The following SMIM21 variants were observed in gnomAD, a reference collection of about 807,000 sequenced individuals.
The protein encoded by SMIM21 is chromosome 18 open reading frame 62.
In SMIM21, 8 loss-of-function variants were observed where a neutral mutation model predicts 8.6. That is an observed-to-expected ratio of 0.93 (90% CI 0.55 to 1.68). The LOEUF is 1.68. Ranked by LOEUF, SMIM21 falls within the 40% of genes most tolerant of loss-of-function variation. The pLI is 0.00. For synonymous variants in SMIM21, 43 were observed against 41.7 expected, an observed-to-expected ratio of 1.03 and a Z score of -0.12; for missense variants, 132 against 123.0, an observed-to-expected ratio of 1.07 and a Z score of -0.35.
intron 1 of SMIM21, 120 bp downstream of exon 1, chr18:75,427,315 A>G: frequency 1.2e-5 from 14 of 1,192,760 alleles, no homozygotes; most frequent in South Asian, 2.0e-5. Flanking sequence ...ACTTCGTAGA[A>G]TCTGGATTTG....
chr18:75,426,018 C>T (rs1208231588), intron 1 of SMIM21, among the ~76,000 whole-genome samples: 1 of 152,066 alleles, frequency 6.6e-6, no homozygotes, highest in Non-Finnish European at 1.5e-5. Flanking sequence ...TGATTGCCCA[C>T]CGAGTGCCTC....
chr18:75,421,215 T>C (rs1433202127), intron 1 of SMIM21, among the ~76,000 whole-genome samples: 1 of 152,214 alleles, frequency 6.6e-6, no homozygotes, highest in Non-Finnish European at 1.5e-5. Flanking sequence ...CTGTAGTCAC[T>C]AAAGAACAAG....
In SMIM21 at chr18:75,427,555, C is replaced by T. The variant is rs901493935; in HGVS notation, c.9G>A (p.Gln3=). ...ATCGGGGAGGAGCTGTGGACACATA[C>T]TGGTCCATGTGGGGGCTGCGGCGGT... is the stretch of plus-strand genomic sequence containing the variant. The part of the protein sequence containing the change: MD[Q]YVSTAPPRFP... The change falls in exon 1 of 3, where the codon CAG becomes CAA. Residue 3 remains glutamine, a synonymous_variant. Transcript: ENST00000579022. 1.2e-6 allele frequency: 2 copies of T among 1,610,186 alleles called. No individual in the cohort carries two copies. Among genetic ancestry groups the T allele is most frequent in the Non-Finnish European group, 1.7e-6 (2 of 1,178,226 alleles).
At chr18:75,411,073 C>T (rs560532489) in intron 2 of SMIM21, among the ~76,000 whole-genome samples, 164 bp from the exon 3 acceptor site, 6 of 152,154 alleles carry the variant, frequency 3.9e-5, no homozygotes, top group Admixed American at 2.0e-4. Context: ...TTATACTCAC[C>T]GGAGCAAGTA....
chr18:75,416,709 T>C (rs2024649375), intron 2 of SMIM21: 1 of 152,242 alleles, frequency 6.6e-6, no homozygotes, highest in South Asian at 2.1e-4. Flanking sequence ...TTGTTCTCAT[T>C]CAACATATTT....
chr18:75,424,353 TA>T (rs1194612662), intron 1 of SMIM21, among the ~76,000 whole-genome samples: 1 of 152,236 alleles, frequency 6.6e-6, no homozygotes, highest in African/African-American at 2.4e-5. Flanking sequence ...CACATACAAG[TA>T]GAAGCAATAT....
At chr18:75,417,709 G>A (rs77527093) in intron 2 of SMIM21, 4,339 of 152,424 alleles carry the variant, frequency 0.028, 125 homozygotes, top group South Asian at 0.14. Context: ...GCCCTTCACT[G>A]AAACCCAGAG....
At chr18:75,424,280 C>T (rs71359090) in intron 1 of SMIM21, among the ~76,000 whole-genome samples, 16 of 152,164 alleles carry the variant, frequency 1.1e-4, no homozygotes, top group Middle Eastern at 3.4e-3. Flanking sequence ...CACGTCAGGA[C>T]GAAAAATGGA....
chr18:75,416,587 G>C (rs1003890551), intron 2 of SMIM21: 2 of 152,054 alleles, frequency 1.3e-5, no homozygotes, highest in African/African-American at 4.8e-5. Flanking sequence ...TTTTCTTCCA[G>C]TATTCTTTGG....
chr18:75,420,834 T>C (rs2024700407), intron 1 of SMIM21, among the ~76,000 whole-genome samples: 1 of 152,198 alleles, frequency 6.6e-6, no homozygotes, highest in Non-Finnish European at 1.5e-5. Context: ...TCCTCCAGTT[T>C]TAGGATCCTC....
chr18:75,426,477 T>G (rs2024763382), intron 1 of SMIM21, among the ~76,000 whole-genome samples: 1 of 151,880 alleles, frequency 6.6e-6, no homozygotes, highest in Non-Finnish European at 1.5e-5. Context: ...GACTGGCTAA[T>G]TTTTTGTATT....
rs906432844 is a variant in SMIM21 at position 75,409,867 on chromosome 18, C to T, written c.*997G>A. The T allele has an allele frequency of 1.3e-5, 2 of 152,586 alleles. No homozygotes were observed. Among genetic ancestry groups the T allele is most frequent in the Non-Finnish European group, 2.9e-5 (2 of 68,068 alleles). 9.5% of individuals were successfully genotyped at this position (152,586 alleles called of 1,614,324 possible). ...TGCACTGTGAGTTCTGAATCCCTGG[C>T]TCCCCAGCCGGACTCTTCAGTGCAC... On this transcript the variant is annotated 3_prime_UTR_variant, in exon 3 of 3. Transcript: ENST00000579022.
At chr18:75,413,112 T>C (rs1204888149) in intron 2 of SMIM21, among the ~76,000 whole-genome samples, 1 of 151,680 alleles carries the variant, frequency 6.6e-6, no homozygotes, top group African/African-American at 2.4e-5. Context: ...ACGCTGATGC[T>C]CCTGGGCCCC....
rs768079384 is a variant in SMIM21 at position 75,418,843 on chromosome 18, T to C, written c.203A>G (p.His68Arg). The change falls in exon 2 of 3, where the codon CAT (histidine) becomes CGT (arginine). Residue 68 changes from histidine to arginine, a missense_variant. His to Arg is a conservative substitution (Grantham distance 29). Coordinates refer to ENST00000579022, the MANE Select transcript of SMIM21 (RefSeq NM_001037331.3). The stretch of plus-strand genomic sequence containing the variant: ...TTCAGAAACCCCTTGTATCCTGCTA[T>C]GATTCCTCAGCAACACCATCACATG... ...LFHVMVLLRN[H>R]SRIQGVSEDW... 4 of 1,612,720 alleles carry C rather than the reference T, an allele frequency of 2.5e-6. No individual in the cohort carries two copies. Among genetic ancestry groups the C allele is most frequent in the South Asian group, 2.2e-5 (2 of 91,050 alleles).
intron 2 of SMIM21, among the ~76,000 whole-genome samples, chr18:75,414,455 G>A (rs1025895138): frequency 3.9e-5 from 6 of 152,246 alleles, no homozygotes; most frequent in Middle Eastern, 6.8e-3. Flanking sequence ...TACTTAAGAG[G>A]AACCCACTCC....
Position 75,410,666 on chromosome 18 carries a change from G to T in SMIM21, c.*198C>A. On this transcript the variant is annotated 3_prime_UTR_variant, in exon 3 of 3. Transcript: ENST00000579022. ...CCGGAATATTCCTGAACAGAAAAAGGAAGAGTGCCCCTCAAGAACAAAGCA... is the reference window on the plus strand; with the variant it reads ...CCGGAATATTCCTGAACAGAAAAAGTAAGAGTGCCCCTCAAGAACAAAGCA... The T allele has an allele frequency of 1.5e-6, 2 of 1,373,358 alleles. No homozygotes were observed. Among genetic ancestry groups the T allele is most frequent in the Non-Finnish European group, 1.9e-6 (2 of 1,058,394 alleles). The allele number at this position is 1,373,358 out of a possible 1,614,324, so 85.1% of individuals were successfully genotyped here.
Position 75,410,591 on chromosome 18 carries a change from C to T in SMIM21, c.*273G>A, listed in dbSNP as rs531018694. On this transcript the variant is annotated 3_prime_UTR_variant, in exon 3 of 3. Transcript: ENST00000579022. ...GTTCTTTGCACTGCTGGATCTGTTTCGACACGCAGGGCAGATTTCGCAGGG... is the reference window on the plus strand; with the variant it reads ...GTTCTTTGCACTGCTGGATCTGTTTTGACACGCAGGGCAGATTTCGCAGGG... The T allele has an allele frequency of 9.2e-5, 60 of 654,352 alleles. No homozygotes were observed. The highest frequency in any genetic ancestry group is 4.6e-4 in the Middle Eastern group (1 of 2,196). The allele number at this position is 654,352 out of a possible 1,614,324, so 40.5% of individuals were successfully genotyped here.
At chr18:75,423,760 G>T (rs766161329) in intron 1 of SMIM21, among the ~76,000 whole-genome samples, 1 of 152,196 alleles carries the variant, frequency 6.6e-6, no homozygotes, top group Non-Finnish European at 1.5e-5. Context: ...TACTTGTGCT[G>T]TGTCCACCTC....
intron 1 of SMIM21, 37 bp from the exon 2 acceptor site, chr18:75,418,953 G>A: frequency 7.0e-7 from 1 of 1,436,062 alleles, no homozygotes; most frequent in Non-Finnish European, 9.7e-7. Flanking sequence ...TATTTACAGT[G>A]TCTGGCTTTT....
Sources: allele counts gnomAD v4.1 joint callset (sites outside exome capture counted in the v4.1 genomes callset), GRCh38; gene constraint gnomAD v4.1.1; transcripts MANE v1.5; gene names NCBI Gene and HGNC (gene_info 2026-07-23, HGNC 2026-07-21).